The following GMDS variants were observed in gnomAD, a reference collection of about 807,000 sequenced individuals.
The protein encoded by GMDS is GDP-mannose 4,6 dehydratase.
In GMDS, 20 loss-of-function variants were observed where a neutral mutation model predicts 49.9. The observed-to-expected ratio is 0.40, with a 90% confidence interval of 0.28 to 0.58. GMDS has a LOEUF of 0.58. Among genes scored for constraint, GMDS ranks in the 20% least tolerant of loss-of-function variants. The pLI is 0.42. For missense variants in GMDS, 362 were observed against 481.4 expected (o/e 0.75, Z 2.32); for synonymous variants, 177 against 178.6 (o/e 0.99, Z 0.07).
At chr6:2,229,573 G>A (rs2127594106) in intron 1 of GMDS, among the ~76,000 whole-genome samples, 1 of 151,888 alleles carries the variant, frequency 6.6e-6, no homozygotes, top group East Asian at 1.9e-4. Flanking sequence ...GCAAGAGCAA[G>A]ACAAAAAAAA....
At chr6:2,095,673 A>G (rs1773559250) in intron 4 of GMDS, among the ~76,000 whole-genome samples, 1 of 150,716 alleles carries the variant, frequency 6.6e-6, no homozygotes, top group Non-Finnish European at 1.5e-5. Flanking sequence ...TTTCATAGAC[A>G]GAGCACTTTA....
chr6:1,853,289 C>A (rs190541464), intron 7 of GMDS, among the ~76,000 whole-genome samples: 2 of 151,100 alleles, frequency 1.3e-5, no homozygotes, highest in East Asian at 2.0e-4. Flanking sequence ...GAGGCCGAGG[C>A]GGGCGGATCA....
intron 6 of GMDS, among the ~76,000 whole-genome samples, chr6:1,959,453 A>C (rs1158625475): frequency 6.6e-6 from 1 of 152,216 alleles, no homozygotes; most frequent in African/African-American, 2.4e-5. Flanking sequence ...AAGAATACCA[A>C]ATATCTAACC....
rs1765379869 is a variant in GMDS, at chr6:1,697,374, C to T, written c.987+29042G>A. Among the ~76,000 whole-genome samples the T allele has an allele frequency of 2.6e-5, 4 of 152,198 alleles. No individual in the cohort carries two copies. In the South Asian group the frequency reaches 8.3e-4, roughly 31 times the overall value. ...AGGTGGCCAATTCATCCCAGGTTGCCCAGGACTTTCTCATTTTCAGCAAGA... is the reference window on the plus strand; with the variant it reads ...AGGTGGCCAATTCATCCCAGGTTGCTCAGGACTTTCTCATTTTCAGCAAGA... On this transcript the variant is annotated intron_variant, in intron 9 of 10. Coordinates refer to ENST00000380815, the MANE Select transcript of GMDS (RefSeq NM_001500.4).
chr6:2,091,906 A>C (rs1172496920), intron 4 of GMDS, among the ~76,000 whole-genome samples: 1 of 151,476 alleles, frequency 6.6e-6, no homozygotes, highest in Non-Finnish European at 1.5e-5. Flanking sequence ...AGAAAAAGGA[A>C]AAAAAAAATC....
chr6:2,115,682 T>C, intron 4 of GMDS, 89 bp downstream of exon 4: 1 of 747,054 alleles, frequency 1.3e-6, no homozygotes, highest in Non-Finnish European at 2.5e-6. Context: ...GACCAGTGAT[T>C]ATATTACTAC....
intron 7 of GMDS, among the ~76,000 whole-genome samples, chr6:1,923,037 C>T (rs1490607267): frequency 2.0e-5 from 3 of 152,188 alleles, no homozygotes; most frequent in Non-Finnish European, 4.4e-5. Context: ...TCACTTGGCT[C>T]TCATTCTCTC....
chr6:1,867,624 G>A (rs1299639514), intron 7 of GMDS, among the ~76,000 whole-genome samples: 1 of 152,206 alleles, frequency 6.6e-6, no homozygotes, highest in Non-Finnish European at 1.5e-5. Flanking sequence ...AGAAGGTCCT[G>A]TCACAGGGAT....
intron 4 of GMDS, among the ~76,000 whole-genome samples, chr6:2,096,498 T>A (rs1193929316): frequency 6.6e-6 from 1 of 152,168 alleles, no homozygotes; most frequent in Non-Finnish European, 1.5e-5. Context: ...AGACACTTTA[T>A]GTTAACTAAT....
At chr6:1,905,269 C>T (rs557275677) in intron 7 of GMDS, among the ~76,000 whole-genome samples, 1 of 151,948 alleles carries the variant, frequency 6.6e-6, no homozygotes, top group South Asian at 2.1e-4. Flanking sequence ...GGTGGGGCCT[C>T]AAAGGTGCCT....
chr6:2,164,077 G>A (rs747726569), intron 1 of GMDS, among the ~76,000 whole-genome samples: 20 of 152,174 alleles, frequency 1.3e-4, no homozygotes, highest in South Asian at 8.3e-4. Flanking sequence ...TTCAATCACC[G>A]TAGGCCACCT....
chr6:2,125,928 G>A (rs868732714), intron 1 of GMDS, among the ~76,000 whole-genome samples: 5 of 152,110 alleles, frequency 3.3e-5, no homozygotes, highest in Non-Finnish European at 7.4e-5. Flanking sequence ...TTATAAAATC[G>A]TATTTCCTTT....
At chr6:2,212,548 C>CTA (rs1780111845) in intron 1 of GMDS, among the ~76,000 whole-genome samples, 1 of 152,126 alleles carries the variant, frequency 6.6e-6, no homozygotes, top group South Asian at 2.1e-4. Context: ...TACATATTCT[C>CTA]TAACTGCACA....
chr6:2,044,413 G>A (rs1038307150), intron 4 of GMDS, among the ~76,000 whole-genome samples: 6 of 152,150 alleles, frequency 3.9e-5, no homozygotes, highest in African/African-American at 1.4e-4. Flanking sequence ...TCTTGGTGGG[G>A]ACATGGATGG....
At chr6:2,221,422 C>T (rs1780582522) in intron 1 of GMDS, among the ~76,000 whole-genome samples, 1 of 152,022 alleles carries the variant, frequency 6.6e-6, no homozygotes, top group Non-Finnish European at 1.5e-5. Flanking sequence ...GCTCTGTCAC[C>T]CAGGCTAGAG....
intron 7 of GMDS, among the ~76,000 whole-genome samples, chr6:1,781,603 C>G (rs1377111453): frequency 1.4e-5 from 2 of 146,932 alleles, no homozygotes; most frequent in East Asian, 4.2e-4. Flanking sequence ...GTGAGGCCAC[C>G]TCAAATCAAA....
At chr6:1,863,135 T>C (rs943817603) in intron 7 of GMDS, among the ~76,000 whole-genome samples, 27 of 152,196 alleles carry the variant, frequency 1.8e-4, no homozygotes, top group African/African-American at 6.0e-4. Flanking sequence ...ATCTGTTGCA[T>C]CGATGGTTTT....
intron 7 of GMDS, among the ~76,000 whole-genome samples, chr6:1,812,656 C>T (rs1326549501): frequency 6.6e-6 from 1 of 152,038 alleles, no homozygotes; most frequent in African/African-American, 2.4e-5. Flanking sequence ...TTCCCAAACC[C>T]CCCACCGACT....
intron 7 of GMDS, among the ~76,000 whole-genome samples, chr6:1,876,014 T>TAAAAAAAAAAAA (rs1759032290): frequency 1.3e-5 from 1 of 77,322 alleles, no homozygotes; most frequent in African/African-American, 4.1e-5. Flanking sequence ...GAGCACTATC[T>TAAAAAAAAAAAA]CAAAAAAAAA....
Sources: gnomAD v4.1 joint callset for allele counts (sites outside exome capture counted in the v4.1 genomes callset) on GRCh38, gnomAD v4.1.1 for gene constraint, MANE v1.5 for transcripts, NCBI Gene and HGNC (gene_info 2026-07-23, HGNC 2026-07-21) for gene names.